MALRD1: variants seen among roughly 807,000 people sequenced by gnomAD.
MALRD1 encodes the protein MAM and LDL receptor class A domain containing 1.
In MALRD1, 247 loss-of-function variants were observed where a neutral mutation model predicts 242.1. The ratio of observed to expected loss-of-function variants is 1.02; its 90% CI spans 0.92 to 1.13. The LOEUF (loss-of-function observed/expected upper bound fraction) is 1.13. MALRD1 is among the 50% of genes most tolerant of loss of function. The pLI, the probability that MALRD1 is intolerant of heterozygous loss-of-function variation, is 0.00. For missense variants in MALRD1, 2,989 were observed against 2,533.1 expected (o/e 1.18, Z -3.86); for synonymous variants, 995 against 866.6 (o/e 1.15, Z -2.60).
intron 21 of MALRD1, among the ~76,000 whole-genome samples, chr10:19,310,729 T>A (rs938291623): frequency 2.0e-5 from 3 of 151,632 alleles, no homozygotes; most frequent in African/African-American, 7.2e-5. Flanking sequence ...AATATGACTC[T>A]ATTTTGTGCC....
chr10:19,136,027 TTA>T lies in MALRD1; in HGVS notation c.1204-545_1204-544del, dbSNP rs373822362. ...TCTTTTATGTAAGTTGAATAGAGTT[TTA>T]TGTTTATTCCCTTACATTTTTTTAT... is the stretch of plus-strand genomic sequence containing the variant. On this transcript the variant is annotated intron_variant, in intron 9 of 39. Coordinates refer to ENST00000454679, the MANE Select transcript of MALRD1 (RefSeq NM_001142308.3). Among the ~76,000 whole-genome samples, 69 of 152,372 alleles carry T rather than the reference TTA, an allele frequency of 4.5e-4. 1 individual carries two copies. Among genetic ancestry groups the T allele is most frequent in the African/African-American group, 1.4e-3 (58 of 41,594 alleles).
intron 24 of MALRD1, among the ~76,000 whole-genome samples, chr10:19,342,618 C>A (rs1349515355): frequency 6.6e-6 from 1 of 152,068 alleles, no homozygotes; most frequent in Non-Finnish European, 1.5e-5. Context: ...TAACACATTG[C>A]TTTGAAAACA....
At chr10:19,258,337 T>C (rs1249110197) in intron 19 of MALRD1, among the ~76,000 whole-genome samples, 1 of 152,092 alleles carries the variant, frequency 6.6e-6, no homozygotes, top group African/African-American at 2.4e-5. Flanking sequence ...AAGATAATGA[T>C]AGAAAATAAC....
chr10:19,645,803 C>A (rs1160146040), intron 36 of MALRD1, among the ~76,000 whole-genome samples: 2 of 152,064 alleles, frequency 1.3e-5, no homozygotes, highest in African/African-American at 4.8e-5. Context: ...GGGTGCAGCA[C>A]ACCAACATGG....
chr10:19,376,162 A>G (rs1845582186), intron 26 of MALRD1, among the ~76,000 whole-genome samples: 2 of 152,136 alleles, frequency 1.3e-5, no homozygotes, highest in African/African-American at 4.8e-5. Context: ...AAACAAAAAA[A>G]ACTTCGAGCT....
chr10:19,219,143 A>G (rs1837455388), intron 18 of MALRD1, among the ~76,000 whole-genome samples: 1 of 152,032 alleles, frequency 6.6e-6, no homozygotes, highest in Non-Finnish European at 1.5e-5. Flanking sequence ...TTTAGAGGGC[A>G]TTTGTAGATT....
Position 19,511,807 on chromosome 10 carries a change from G to C in MALRD1, c.5320+13161G>C, listed in dbSNP as rs80114079. Among the ~76,000 whole-genome samples, 247 of 152,114 alleles carry C rather than the reference G, an allele frequency of 1.6e-3. 1 individual carries two copies. Among genetic ancestry groups the C allele is most frequent in the African/African-American group, 5.6e-3 (234 of 41,494 alleles). ...TTATCAACTATGAAATCTTGATTTT[G>C]GCATTATCTCACCATTTGTAAACAG... is the stretch of plus-strand genomic sequence containing the variant. On this transcript the variant is annotated intron_variant, in intron 31 of 39. Transcript: ENST00000454679.
intron 33 of MALRD1, among the ~76,000 whole-genome samples, chr10:19,568,313 T>C (rs1025898245): frequency 1.3e-5 from 2 of 152,128 alleles, no homozygotes; most frequent in African/African-American, 4.8e-5. Context: ...ATTGTCTTTC[T>C]AGCTACTCAA....
intron 32 of MALRD1, among the ~76,000 whole-genome samples, chr10:19,565,653 A>G (rs891110706): frequency 1.3e-5 from 2 of 152,222 alleles, no homozygotes; most frequent in African/African-American, 4.8e-5. Flanking sequence ...AGTATCCACC[A>G]GATCCTGGAG....
intron 8 of MALRD1, among the ~76,000 whole-genome samples, chr10:19,131,471 G>A (rs1217999649): frequency 6.6e-5 from 10 of 152,064 alleles, no homozygotes; most frequent in Admixed American, 2.0e-4. Flanking sequence ...TTAGATCTGC[G>A]TCCATGATCT....
At chr10:19,536,651 CAG>C (rs928108642) in intron 32 of MALRD1, among the ~76,000 whole-genome samples, 2 of 151,768 alleles carry the variant, frequency 1.3e-5, no homozygotes, top group Non-Finnish European at 2.9e-5. Flanking sequence ...GTAAAGAAAA[CAG>C]AAATCTTTTG....
At chr10:19,240,226 G>A (rs1254325818) in intron 18 of MALRD1, among the ~76,000 whole-genome samples, 1 of 151,802 alleles carries the variant, frequency 6.6e-6, no homozygotes, top group Non-Finnish European at 1.5e-5. Context: ...AAATTTATCT[G>A]CAGATTTCTT....
intron 36 of MALRD1, among the ~76,000 whole-genome samples, chr10:19,675,796 A>G (rs1386310316): frequency 6.6e-6 from 1 of 152,228 alleles, no homozygotes; most frequent in Non-Finnish European, 1.5e-5. Context: ...GTAAACAGGT[A>G]TAGATCCTAT....
intron 36 of MALRD1, among the ~76,000 whole-genome samples, chr10:19,625,556 A>G (rs1162742478): frequency 6.6e-6 from 1 of 152,028 alleles, no homozygotes; most frequent in Non-Finnish European, 1.5e-5. Context: ...AAACAGGCAG[A>G]CCCGGGTTTG....
intron 38 of MALRD1, among the ~76,000 whole-genome samples, chr10:19,698,532 C>G (rs1248761293): frequency 3.3e-5 from 5 of 152,116 alleles, no homozygotes; most frequent in African/African-American, 2.4e-5. Flanking sequence ...AAGTTATTGT[C>G]TTTTGAATAG....
At chr10:19,496,828 G>A (rs1366065039) in intron 30 of MALRD1, among the ~76,000 whole-genome samples, 1 of 152,136 alleles carries the variant, frequency 6.6e-6, no homozygotes, top group East Asian at 1.9e-4. Context: ...AGAAGAGGAT[G>A]TGAAATTGAA....
At chr10:19,717,627 T>G (rs1034605407) in intron 38 of MALRD1, among the ~76,000 whole-genome samples, 1 of 152,198 alleles carries the variant, frequency 6.6e-6, no homozygotes. Flanking sequence ...AATTTGTAGA[T>G]CCTTGGAAGG....
At chr10:19,201,408 C>T (rs935176791) in intron 14 of MALRD1, among the ~76,000 whole-genome samples, 3 of 152,106 alleles carry the variant, frequency 2.0e-5, no homozygotes, top group Non-Finnish European at 4.4e-5. Context: ...ATTTTACTAC[C>T]ATTCGAATAT....
intron 11 of MALRD1, among the ~76,000 whole-genome samples, chr10:19,148,986 A>G (rs7080782): frequency 0.9 from 137,097 of 151,680 alleles, 62,189 homozygotes; most frequent in East Asian, 1. Context: ...CAGCCTAATA[A>G]TTCCGATATC....
Sources: gnomAD v4.1 joint callset for allele counts (sites outside exome capture counted in the v4.1 genomes callset) on GRCh38, gnomAD v4.1.1 for gene constraint, MANE v1.5 for transcripts, NCBI Gene and HGNC (gene_info 2026-07-23, HGNC 2026-07-21) for gene names.